Variants in RAD51B observed in about 807,000 individuals in gnomAD.
RAD51B encodes the protein RAD51 paralog B.
Under a neutral mutation model 42.2 loss-of-function variants are expected in RAD51B, and 38 were observed. The observed-to-expected ratio is 0.90, with a 90% CI of 0.70 to 1.18. The LOEUF is 1.18. Among genes scored for constraint, RAD51B ranks in the 50% most tolerant of loss-of-function variants. RAD51B has a pLI of 0.00. For synonymous variants in RAD51B, 154 were observed against 145.2 expected, an observed-to-expected ratio of 1.06 and a Z score of -0.43; for missense variants, 373 against 400.7, an observed-to-expected ratio of 0.93 and a Z score of 0.59.
chr14:67,923,298 C>CTTTTT (rs34809964), intron 7 of RAD51B, among the ~76,000 whole-genome samples: 63 of 123,650 alleles, frequency 5.1e-4, no homozygotes, highest in African/African-American at 1.8e-3. Flanking sequence ...TTTTCTTTTT[C>CTTTTT]TTTTTTTTTT....
intron 7 of RAD51B, among the ~76,000 whole-genome samples, chr14:67,907,561 G>A (rs920635941): frequency 7.2e-5 from 11 of 152,014 alleles, no homozygotes; most frequent in Admixed American, 3.3e-4. Flanking sequence ...TTTAGTTAAT[G>A]CTTGTACCTG....
chr14:68,648,711 AC>A (rs1892636835), intron 10 of RAD51B, among the ~76,000 whole-genome samples: 1 of 148,774 alleles, frequency 6.7e-6, no homozygotes, highest in African/African-American at 2.5e-5. Context: ...ACACACACAC[AC>A]ACAGGGAAAA....
At chr14:68,031,423 A>G (rs1169419096) in intron 7 of RAD51B, among the ~76,000 whole-genome samples, 2 of 152,206 alleles carry the variant, frequency 1.3e-5, no homozygotes, top group Non-Finnish European at 2.9e-5. Context: ...TATCAACATC[A>G]AAGATCACTG....
At chr14:67,823,714 ATGTAGGCT>A in intron 2 of RAD51B, 87 bp downstream of exon 2, 1 of 951,966 alleles carries the variant, frequency 1.1e-6, no homozygotes, top group Admixed American at 2.6e-5. Flanking sequence ...AAATATGAAA[ATGTAGGCT>A]TACAAAAAAA....
rs372292849 is a variant in RAD51B, at chr14:68,117,443, G to A, written c.757-174441G>A. ...CTATGGGACCAAAAAAGATATGACC[G>A]TGGAGAGCTCACTTTGGTGGCCACA... is the stretch of plus-strand genomic sequence containing the variant. On this transcript the variant is annotated intron_variant, in intron 7 of 10. Coordinates refer to ENST00000471583, the MANE Select transcript of RAD51B (RefSeq NM_133510.4). 2.8e-4 allele frequency among the ~76,000 whole-genome samples: 42 copies of A among 152,226 alleles called. No individual in the cohort carries two copies. In the East Asian group the frequency reaches 2.9e-3, roughly 10 times the overall value.
At chr14:68,344,236 C>T (rs1230409767) in intron 8 of RAD51B, among the ~76,000 whole-genome samples, 3 of 152,262 alleles carry the variant, frequency 2.0e-5, no homozygotes, top group African/African-American at 7.2e-5. Flanking sequence ...AACTCCAACC[C>T]ATGAGAGCAG....
intron 10 of RAD51B, among the ~76,000 whole-genome samples, chr14:68,487,926 C>T (rs868494382): frequency 1.3e-5 from 2 of 152,172 alleles, no homozygotes; most frequent in African/African-American, 4.8e-5. Context: ...TAACTGTTTT[C>T]CTCACAGAAC....
intron 11 of RAD51B, among the ~76,000 whole-genome samples, chr14:68,660,536 T>C (rs780035506): frequency 6.6e-5 from 10 of 152,160 alleles, no homozygotes; most frequent in Non-Finnish European, 1.2e-4. Context: ...TACACTGTAG[T>C]TGGGAGACCG....
downstream of RAD51B, among the ~76,000 whole-genome samples, chr14:68,598,022 A>T (rs991276151): frequency 1.3e-5 from 2 of 152,182 alleles, no homozygotes; most frequent in Non-Finnish European, 2.9e-5. Flanking sequence ...TTAGAAAAAT[A>T]GACGGCCGTC....
intron 7 of RAD51B, among the ~76,000 whole-genome samples, chr14:67,993,277 A>T (rs2075326102): frequency 6.6e-6 from 1 of 152,088 alleles, no homozygotes; most frequent in Admixed American, 6.6e-5. Flanking sequence ...ATTTAGCCCT[A>T]TATTTTATTA....
intron 8 of RAD51B, among the ~76,000 whole-genome samples, chr14:68,322,665 T>A (rs2082177191): frequency 6.6e-6 from 1 of 152,182 alleles, no homozygotes; most frequent in Admixed American, 6.5e-5. Context: ...AAGTGGCACC[T>A]GAGAGAATCT....
chr14:67,987,373 C>T (rs1036342245), intron 7 of RAD51B, among the ~76,000 whole-genome samples: 1 of 152,156 alleles, frequency 6.6e-6, no homozygotes, highest in Non-Finnish European at 1.5e-5. Flanking sequence ...AACCACCATT[C>T]TACTCTCTAT....
intron 7 of RAD51B, chr14:68,236,359 C>T (rs1314914): frequency 0.13 from 19,197 of 152,152 alleles, 1,331 homozygotes; most frequent in Middle Eastern, 0.32. Flanking sequence ...TGGGCAAGTT[C>T]AACCCTCCTT....
At chr14:67,949,507 C>T (rs2074403035) in intron 7 of RAD51B, among the ~76,000 whole-genome samples, 1 of 152,174 alleles carries the variant, frequency 6.6e-6, no homozygotes, top group African/African-American at 2.4e-5. Context: ...ATTTGTATCA[C>T]ATCTACAGTT....
At chr14:68,560,925 A>G (rs1889115831) in intron 10 of RAD51B, among the ~76,000 whole-genome samples, 1 of 152,188 alleles carries the variant, frequency 6.6e-6, no homozygotes, top group Admixed American at 6.5e-5. Flanking sequence ...ATCATCCGGC[A>G]GGGAACAGAA....
chr14:68,649,057 A>G (rs1231625774), intron 10 of RAD51B, among the ~76,000 whole-genome samples: 2 of 151,878 alleles, frequency 1.3e-5, no homozygotes, highest in East Asian at 3.9e-4. Context: ...GATCTTTTGG[A>G]GTGATCAGAG....
intron 7 of RAD51B, among the ~76,000 whole-genome samples, chr14:67,914,004 A>G (rs1378875858): frequency 6.8e-6 from 1 of 148,110 alleles, no homozygotes; most frequent in East Asian, 2.0e-4. Context: ...TTTTTTTGAG[A>G]TGGGGCCTCG....
chr14:68,281,417 T>C (rs953410402), intron 7 of RAD51B, among the ~76,000 whole-genome samples: 1 of 152,238 alleles, frequency 6.6e-6, no homozygotes, highest in Non-Finnish European at 1.5e-5. Context: ...AAGATTGCTA[T>C]GCCAATTATA....
rs118036227 is a variant in RAD51B, at chr14:68,332,821, G to A, written c.853+40841G>A. ...TTCTTTTCTTTAATATTTTGTGAGC[G>A]GAGAAGAAACATCTTTAAATCATCT... On this transcript the variant is annotated intron_variant, in intron 8 of 10. Transcript: ENST00000471583. 2.7e-3 allele frequency among the ~76,000 whole-genome samples: 417 copies of A among 152,288 alleles called. 10 individuals are homozygous for A. The East Asian group carries it at 0.045, about 17-fold the overall frequency.
Sources: gnomAD v4.1 joint callset for allele counts (sites outside exome capture counted in the v4.1 genomes callset) on GRCh38, gnomAD v4.1.1 for gene constraint, MANE v1.5 for transcripts, NCBI Gene and HGNC (gene_info 2026-07-23, HGNC 2026-07-21) for gene names.